Variants in CYFIP1 observed in about 807,000 individuals in gnomAD.
CYFIP1 encodes the protein cytoplasmic FMR1-interacting protein 1.
CYFIP1 carries 58 observed loss-of-function variants against 163.5 expected under a neutral mutation model. That is an observed-to-expected ratio of 0.35 (90% CI 0.29 to 0.44). The LOEUF (loss-of-function observed/expected upper bound fraction) is 0.44. Ranked by LOEUF, CYFIP1 falls within the 20% of genes least tolerant of loss-of-function variation. The pLI, the probability that CYFIP1 is intolerant of heterozygous loss-of-function variation, is 1.00. For synonymous variants in CYFIP1, 663 were observed against 660.7 expected (o/e 1.00, Z -0.05); for missense variants, 1,338 against 1,653.8 (o/e 0.81, Z 3.31).
chr15:22,928,040 G>A lies in CYFIP1; in HGVS notation c.1111-12C>T, dbSNP rs765289148. 55 of 1,515,228 alleles carry A rather than the reference G, an allele frequency of 3.6e-5. No homozygotes were observed. Among genetic ancestry groups the A allele is most frequent in the East Asian group, 1.2e-4 (5 of 40,026 alleles). 93.9% of individuals were successfully genotyped at this position (1,515,228 alleles called of 1,614,324 possible). On this transcript the variant is annotated splice_polypyrimidine_tract_variant and intron_variant, in intron 11 of 30. Coordinates refer to ENST00000617928, the MANE Select transcript of CYFIP1 (RefSeq NM_014608.6). Reference sequence around the variant, plus strand: ...GAGCCCGTGACCACCTGCACAAGGCGGGCACGGCCCCGTGAGAAACCAGCG... The same window carrying A: ...GAGCCCGTGACCACCTGCACAAGGCAGGCACGGCCCCGTGAGAAACCAGCG...
At chr15:22,887,750 T>C (rs970803116) in intron 23 of CYFIP1, among the ~76,000 whole-genome samples, 1 of 152,160 alleles carries the variant, frequency 6.6e-6, no homozygotes, top group Admixed American at 6.5e-5. Context: ...GAGGAGGCAC[T>C]ACTTCTGGGG....
intron 22 of CYFIP1, 114 bp downstream of exon 22, chr15:22,903,592 G>C: frequency 8.9e-7 from 1 of 1,121,170 alleles, no homozygotes; most frequent in Non-Finnish European, 1.3e-6. Flanking sequence ...TGTGAGAAGT[G>C]ATGGGGAGCA....
intron 23 of CYFIP1, among the ~76,000 whole-genome samples, chr15:22,884,498 G>A (rs944607047): frequency 8.5e-5 from 13 of 152,190 alleles, no homozygotes; most frequent in Admixed American, 3.3e-4. Context: ...TCACACTGAT[G>A]TAAGATGTGG....
In CYFIP1 at chr15:22,919,083, G is replaced by C. The variant is rs375534420; in HGVS notation, c.1360-225C>G. On this transcript the variant is annotated intron_variant, in intron 13 of 30. Transcript: ENST00000617928. The stretch of plus-strand genomic sequence containing the variant: ...CAGACCATGAGCACCTGGAGGACAG[G>C]GATGCATCTGACTCGAAACACACAT... 4.6e-5 allele frequency among the ~76,000 whole-genome samples: 7 copies of C among 152,272 alleles called. No individual in the cohort carries two copies. The East Asian group carries it at 1.2e-3, about 25-fold the overall frequency.
chr15:22,925,943 G>A, intron 13 of CYFIP1, 39 bp downstream of exon 13: 1 of 1,603,956 alleles, frequency 6.2e-7, no homozygotes, highest in Admixed American at 1.7e-5. Flanking sequence ...TGTGAAGCTA[G>A]AGCGACATGA....
intron 13 of CYFIP1, among the ~76,000 whole-genome samples, chr15:22,922,584 A>T (rs2061220391): frequency 6.6e-6 from 1 of 152,136 alleles, no homozygotes; most frequent in Admixed American, 6.5e-5. Flanking sequence ...AGTCAGGGGG[A>T]TGGAGGGTGG....
At chr15:22,899,772 G>A (rs1183649344) in intron 22 of CYFIP1, among the ~76,000 whole-genome samples, 1 of 151,976 alleles carries the variant, frequency 6.6e-6, no homozygotes, top group Non-Finnish European at 1.5e-5. Context: ...GTTCGTCCAG[G>A]TGCAGTGGCT....
intron 18 of CYFIP1, among the ~76,000 whole-genome samples, chr15:22,911,432 G>A (rs534440665): frequency 6.6e-6 from 1 of 152,270 alleles, no homozygotes; most frequent in South Asian, 2.1e-4. Flanking sequence ...GGGCAGCTCC[G>A]CCTACTGTGC....
intron 5 of CYFIP1, 60 bp from the exon 6 acceptor site, chr15:22,943,414 C>T (rs1320072501): frequency 1.3e-5 from 20 of 1,553,260 alleles, no homozygotes; most frequent in Non-Finnish European, 1.4e-5. Flanking sequence ...AAGCCCATGT[C>T]CCTCCTTCAA....
rs74003072 is a variant in CYFIP1, at chr15:22,909,050, G to A, written c.2388+144C>T. 132 of 1,014,562 alleles carry A rather than the reference G, an allele frequency of 1.3e-4. 1 individual carries two copies. Among genetic ancestry groups the A allele is most frequent in the African/African-American group, 9.6e-4 (57 of 59,186 alleles). 62.8% of individuals were successfully genotyped at this position (1,014,562 alleles called of 1,614,324 possible). A position where few individuals can be genotyped will look rare whatever the true frequency, so the allele number is the denominator to read the frequency against. ...ATACAAGAGGCTTGGTATAGGCCAC[G>A]CCCAGTGAGTGCATCTCTTTTATTA... is the stretch of plus-strand genomic sequence containing the variant. On this transcript the variant is annotated intron_variant, in intron 21 of 30. Coordinates refer to ENST00000617928, the MANE Select transcript of CYFIP1 (RefSeq NM_014608.6).
intron 23 of CYFIP1, among the ~76,000 whole-genome samples, chr15:22,887,788 T>TAA (rs1327308200): frequency 6.6e-6 from 1 of 152,118 alleles, no homozygotes; most frequent in Non-Finnish European, 1.5e-5. Flanking sequence ...CACTGTGCTG[T>TAA]AAAAGACTTA....
intron 22 of CYFIP1, among the ~76,000 whole-genome samples, chr15:22,896,237 C>T (rs1367692986): frequency 2.0e-5 from 3 of 152,140 alleles, no homozygotes; most frequent in Non-Finnish European, 2.9e-5. Context: ...CCCCACTGCA[C>T]GTTGCCTCGG....
At chr15:22,951,519 T>G (rs762922676) in intron 1 of CYFIP1, 2 of 1,288,044 alleles carry the variant, frequency 1.6e-6, no homozygotes, top group Non-Finnish European at 2.0e-6. Flanking sequence ...TTCGGCCCCA[T>G]AGGGGCTGCC....
In CYFIP1 at chr15:22,869,804, G is replaced by A; in HGVS notation, c.*224C>T. ...AAAAACAATTTTGTAGGAACGTGATGGCAACAATCAGCAGCCAATATTCTC... is the reference window on the plus strand; with the variant it reads ...AAAAACAATTTTGTAGGAACGTGATAGCAACAATCAGCAGCCAATATTCTC... On this transcript the variant is annotated 3_prime_UTR_variant, in exon 31 of 31. Transcript: ENST00000617928. The A allele has an allele frequency of 2.5e-6, 1 of 393,366 alleles. No homozygotes were observed. The allele number at this position is 393,366 out of a possible 1,614,324, so 24.4% of individuals were successfully genotyped here.
At position 22,912,269 on chromosome 15, in the gene CYFIP1, C is replaced by T; in HGVS notation, c.1992G>A (p.Val664=). The part of the protein sequence containing the change: ...ETKEASMMEY[V]LYSLDLYNDS... ...CATTGTACAGGTCCAGGGAGTAGAG[C>T]ACGTACCTGCAGAGGACAGCAGCAG... Residue 664 remains valine, a synonymous_variant, in exon 18 of 31, where the codon GTG becomes GTA. Coordinates refer to ENST00000617928, the MANE Select transcript of CYFIP1 (RefSeq NM_014608.6). 2 of 1,612,238 alleles carry T rather than the reference C, an allele frequency of 1.2e-6. No individual in the cohort carries two copies. The highest frequency in any genetic ancestry group is 1.1e-5 in the South Asian group (1 of 90,676).
intron 30 of CYFIP1, among the ~76,000 whole-genome samples, chr15:22,871,961 C>T (rs2059443354): frequency 6.6e-6 from 1 of 152,016 alleles, no homozygotes; most frequent in African/African-American, 2.4e-5. Context: ...ATTTAAACTG[C>T]CAAGCCTGTG....
chr15:22,896,252 A>G (rs2060232425), intron 22 of CYFIP1, among the ~76,000 whole-genome samples: 1 of 152,136 alleles, frequency 6.6e-6, no homozygotes. Flanking sequence ...CCTCGGGTAC[A>G]CTGAGGTTCA....
chr15:22,874,088 G>A (rs2059512008), intron 28 of CYFIP1, among the ~76,000 whole-genome samples: 1 of 152,176 alleles, frequency 6.6e-6, no homozygotes, highest in Non-Finnish European at 1.5e-5. Context: ...TAGTGTGGAG[G>A]CCAGGGATGC....
intron 1 of CYFIP1, among the ~76,000 whole-genome samples, chr15:22,959,293 GGCACAAAGGGAAGAAGAC>G (rs2062592900): frequency 6.6e-6 from 1 of 152,112 alleles, no homozygotes; most frequent in Admixed American, 6.5e-5. Context: ...ATGTTTAAAA[GGCACAAAGGGAAGAAGAC>G]AGCGTTTCCC....
Sources: allele counts gnomAD v4.1 joint callset (sites outside exome capture counted in the v4.1 genomes callset), GRCh38; gene constraint gnomAD v4.1.1; transcripts MANE v1.5; gene names NCBI Gene and HGNC (gene_info 2026-07-23, HGNC 2026-07-21).